The following AAK1 variants were observed in gnomAD, a reference collection of about 807,000 sequenced individuals.
AAK1 encodes the protein AP2-associated protein kinase 1.
In AAK1, 37 loss-of-function variants were observed where a neutral mutation model predicts 116.0. The observed-to-expected ratio is 0.32, with a 90% CI of 0.25 to 0.42. The LOEUF is 0.42. Among genes scored for constraint, AAK1 ranks in the 10% least tolerant of loss-of-function variants. The pLI is 1.00. For synonymous variants in AAK1, 458 were observed against 439.9 expected, an observed-to-expected ratio of 1.04 and a Z score of -0.51; for missense variants, 919 against 1,170.6, an observed-to-expected ratio of 0.79 and a Z score of 3.14.
At chr2:69,477,013 C>T (rs772193228) in intron 20 of AAK1, 23 bp from the exon 21 acceptor site, 1 of 1,521,598 alleles carries the variant, frequency 6.6e-7, no homozygotes, top group African/African-American at 1.4e-5. Context: ...TGCAAGTACA[C>T]AAGCAGAAAC....
In AAK1 at chr2:69,471,577, T is replaced by C. The variant is rs76440270; in HGVS notation, c.*4292A>G. On this transcript the variant is annotated 3_prime_UTR_variant, in exon 22 of 22. Transcript: ENST00000409085. ...TTGCTTAACCCGGCACACTGGGCAA[T>C]CCTGTCATTTTCATCCCAAAGCTCA... 1,810 of 985,376 alleles carry C rather than the reference T, an allele frequency of 1.8e-3. 24 individuals are homozygous for C. In the African/African-American group the frequency reaches 0.029, roughly 16 times the overall value. 61.0% of individuals were successfully genotyped at this position (985,376 alleles called of 1,614,324 possible). A position where few individuals can be genotyped will look rare whatever the true frequency, so the allele number is the denominator to read the frequency against.
chr2:69,549,025 A>G (rs1671059268), intron 3 of AAK1, among the ~76,000 whole-genome samples: 1 of 152,066 alleles, frequency 6.6e-6, no homozygotes, highest in Non-Finnish European at 1.5e-5. Flanking sequence ...GATTTTCTAG[A>G]TGGTCCTTTC....
At chr2:69,534,783 T>A (rs1670393969) in intron 5 of AAK1, among the ~76,000 whole-genome samples, 1 of 152,234 alleles carries the variant, frequency 6.6e-6, no homozygotes, top group African/African-American at 2.4e-5. Context: ...ATGACAGACT[T>A]AAAATATTTA....
At chr2:69,492,237 G>A (rs1675550835) in intron 17 of AAK1, among the ~76,000 whole-genome samples, 1 of 150,786 alleles carries the variant, frequency 6.6e-6, no homozygotes, top group Admixed American at 6.6e-5. Flanking sequence ...TTTTTGAGAC[G>A]GAGTCTTGCT....
rs371283875 is a variant in AAK1 at position 69,461,124 on chromosome 2, A to T, written c.*14745T>A. 1.1e-4 allele frequency: 16 copies of T among 152,226 alleles called. No individual in the cohort carries two copies. Among genetic ancestry groups the T allele is most frequent in the African/African-American group, 3.6e-4 (15 of 41,450 alleles). The allele number at this position is 152,226 out of a possible 1,614,324, so 9.4% of individuals were successfully genotyped here. ...TCCCATAAGATTATACCATATTTTT[A>T]CTGTACCTTTTCTATGTCTAAAATG... On this transcript the variant is annotated 3_prime_UTR_variant, in exon 22 of 22. Coordinates refer to ENST00000409085, the MANE Select transcript of AAK1 (RefSeq NM_014911.5).
Position 69,544,420 on chromosome 2 carries a change from T to C in AAK1, c.391+16A>G. 6.4e-7 allele frequency: 1 copy of C among 1,573,758 alleles called. No individual in the cohort carries two copies. The highest frequency in any genetic ancestry group is 8.7e-7 in the Non-Finnish European group (1 of 1,143,862). On this transcript the variant is annotated intron_variant, in intron 4 of 21. Transcript: ENST00000409085. ...CTAGAGAAATGACAGCTTAAGGGAA[T>C]GGTTCATATACATACCTCTACAAAA... is the stretch of plus-strand genomic sequence containing the variant.
intron 17 of AAK1, among the ~76,000 whole-genome samples, chr2:69,489,779 T>C (rs1258816417): frequency 2.0e-5 from 3 of 152,206 alleles, no homozygotes; most frequent in African/African-American, 4.8e-5. Context: ...GTTCTTAGCA[T>C]TGAGAAACCA....
At chr2:69,484,820 A>T (rs1034844507) in intron 17 of AAK1, among the ~76,000 whole-genome samples, 6 of 151,906 alleles carry the variant, frequency 3.9e-5, no homozygotes, top group African/African-American at 1.5e-4. Context: ...GGCTGCACTG[A>T]GCCAAGATCA....
chr2:69,466,275 C>T lies in AAK1; in HGVS notation c.*9594G>A, dbSNP rs1206310594. On this transcript the variant is annotated 3_prime_UTR_variant, in exon 22 of 22. Coordinates refer to ENST00000409085, the MANE Select transcript of AAK1 (RefSeq NM_014911.5). ...CAGCTTCCCCGGGGGGGGTCTGCAGCTCTCATCTTCTTCTTCAGACTCCAT... is the reference window on the plus strand; with the variant it reads ...CAGCTTCCCCGGGGGGGGTCTGCAGTTCTCATCTTCTTCTTCAGACTCCAT... 3 of 1,289,736 alleles carry T rather than the reference C, an allele frequency of 2.3e-6. No individual in the cohort carries two copies. Among genetic ancestry groups the T allele is most frequent in the Non-Finnish European group, 2.0e-6 (2 of 988,852 alleles). 79.9% of individuals were successfully genotyped at this position (1,289,736 alleles called of 1,614,324 possible).
chr2:69,515,654 C>A (rs887269070), intron 12 of AAK1, among the ~76,000 whole-genome samples: 1 of 152,080 alleles, frequency 6.6e-6, no homozygotes, highest in Non-Finnish European at 1.5e-5. Context: ...TCTCTCTAAT[C>A]CCCACTGTTA....
intron 16 of AAK1, among the ~76,000 whole-genome samples, chr2:69,504,328 G>A (rs1676092818): frequency 6.7e-6 from 1 of 149,402 alleles, no homozygotes; most frequent in Non-Finnish European, 1.5e-5. Context: ...AACCTGGGAG[G>A]CAGAGTTTGC....
chr2:69,632,701 A>G (rs1013951700), intron 2 of AAK1, among the ~76,000 whole-genome samples: 1 of 151,912 alleles, frequency 6.6e-6, no homozygotes, highest in Non-Finnish European at 1.5e-5. Context: ...GATCGAGACC[A>G]TCCTGGCTAA....
intron 2 of AAK1, among the ~76,000 whole-genome samples, chr2:69,593,768 T>C (rs1319952869): frequency 6.6e-6 from 1 of 152,236 alleles, no homozygotes; most frequent in African/African-American, 2.4e-5. Flanking sequence ...TCTAGTTAAC[T>C]GGAGAAATCA....
chr2:69,506,796 A>C (rs1031985229), intron 15 of AAK1, among the ~76,000 whole-genome samples: 2 of 152,004 alleles, frequency 1.3e-5, no homozygotes, highest in Admixed American at 6.6e-5. Flanking sequence ...TTTTTATTAG[A>C]GTACTCTCTA....
rs1469448775 is a variant in AAK1, at chr2:69,515,071, T to C, written c.1498-322A>G. 4.6e-5 allele frequency among the ~76,000 whole-genome samples: 7 copies of C among 152,312 alleles called. No homozygotes were observed. The South Asian group carries it at 6.2e-4, about 14-fold the overall frequency. ...TCATGTGACTCCATAAGCTAGAGTA[T>C]AGCAGGAGCTAATAAACGATCTCCT... On this transcript the variant is annotated intron_variant, in intron 12 of 21. Transcript: ENST00000409085.
chr2:69,509,498 A>T (rs979854569), intron 13 of AAK1, 38 bp from the exon 14 acceptor site: 8 of 1,147,580 alleles, frequency 7.0e-6, no homozygotes, highest in East Asian at 3.0e-5. Flanking sequence ...TCATTAAATT[A>T]AAAAAAAAAG....
Position 69,519,230 on chromosome 2 carries a change from A to C in AAK1, c.1221T>G (p.Asn407Lys). 6.3e-7 allele frequency: 1 copy of C among 1,578,492 alleles called. No individual in the cohort carries two copies. Among genetic ancestry groups the C allele is most frequent in the Non-Finnish European group, 8.6e-7 (1 of 1,161,918 alleles). Residue 407 changes from asparagine to lysine, a missense_variant, in exon 12 of 22, where the codon AAT (asparagine) becomes AAG (lysine). Coordinates refer to ENST00000409085, the MANE Select transcript of AAK1 (RefSeq NM_014911.5). ...GAACACTGGCTAAAAGGCCAGGCTGATTGCTGGATCCTGCAATGAGAATAA... is the reference window on the plus strand; with the variant it reads ...GAACACTGGCTAAAAGGCCAGGCTGCTTGCTGGATCCTGCAATGAGAATAA... Reference protein sequence around the residue: ...QPPPQAAGSSNQPGLLASVPQ... With the variant: ...QPPPQAAGSSKQPGLLASVPQ...
intron 2 of AAK1, among the ~76,000 whole-genome samples, chr2:69,615,260 G>A (rs1016543336): frequency 6.6e-6 from 1 of 152,128 alleles, no homozygotes; most frequent in Non-Finnish European, 1.5e-5. Context: ...GAGAAGCCCC[G>A]CAGGCCAGAA....
At position 69,474,077 on chromosome 2, in the gene AAK1, A is replaced by T. The variant is rs1343259831; in HGVS notation, c.*1792T>A. 1.0e-6 allele frequency: 1 copy of T among 985,776 alleles called. No individual in the cohort carries two copies. Among genetic ancestry groups the T allele is most frequent in the Non-Finnish European group, 1.2e-6 (1 of 829,946 alleles). 61.1% of individuals were successfully genotyped at this position (985,776 alleles called of 1,614,324 possible). A position where few individuals can be genotyped will look rare whatever the true frequency, so the allele number is the denominator to read the frequency against. ...ATTTAAAGACAGAAGGAAGGCTGGA[A>T]GATTCAGACTTTTCCTCCAATGCCT... On this transcript the variant is annotated 3_prime_UTR_variant, in exon 22 of 22. Coordinates refer to ENST00000409085, the MANE Select transcript of AAK1 (RefSeq NM_014911.5).
Sources: allele counts gnomAD v4.1 joint callset (sites outside exome capture counted in the v4.1 genomes callset), GRCh38; gene constraint gnomAD v4.1.1; transcripts MANE v1.5; gene names NCBI Gene and HGNC (gene_info 2026-07-23, HGNC 2026-07-21).